The following ASTN2 variants were observed in gnomAD, a reference collection of about 807,000 sequenced individuals.
The protein encoded by ASTN2 is astrotactin-2.
In ASTN2, 54 loss-of-function variants were observed where a neutral mutation model predicts 139.8. The observed-to-expected ratio is 0.39, with a 90% CI of 0.31 to 0.48. The LOEUF (loss-of-function observed/expected upper bound fraction) is 0.48, where lower values mean the gene tolerates loss of function less well. Among genes scored for constraint, ASTN2 ranks in the 20% least tolerant of loss-of-function variants. ASTN2 has a pLI of 0.95. For missense variants in ASTN2, 1,565 were observed against 1,725.1 expected (o/e 0.91, Z 1.64); for synonymous variants, 756 against 719.5 (o/e 1.05, Z -0.81).
At chr9:116,620,478 G>C (rs1334864402) in intron 17 of ASTN2, 35 bp from the exon 18 acceptor site, 1 of 1,613,160 alleles carries the variant, frequency 6.2e-7, no homozygotes, top group South Asian at 1.1e-5. Context: ...AGACAATGAT[G>C]ACAACAGGGG....
chr9:116,549,437 A>G (rs535531064), intron 19 of ASTN2, among the ~76,000 whole-genome samples: 1 of 152,294 alleles, frequency 6.6e-6, no homozygotes, highest in East Asian at 1.9e-4. Flanking sequence ...CGTATTTGGC[A>G]ATTGCAACCC....
intron 10 of ASTN2, among the ~76,000 whole-genome samples, chr9:116,885,663 C>G (rs1833577110): frequency 6.6e-6 from 1 of 152,080 alleles, no homozygotes; most frequent in South Asian, 2.1e-4. Flanking sequence ...AAAACTCCAT[C>G]TCAAACAAAA....
At chr9:116,437,273 G>A (rs141623486) in intron 22 of ASTN2, 12,746 of 470,546 alleles carry the variant, frequency 0.027, 270 homozygotes, top group Middle Eastern at 0.058. Flanking sequence ...GCCAGAAAGC[G>A]GCAGAGCCCA....
At chr9:116,625,094 C>A (rs1433451369) in intron 17 of ASTN2, among the ~76,000 whole-genome samples, 2 of 152,086 alleles carry the variant, frequency 1.3e-5, no homozygotes, top group Non-Finnish European at 2.9e-5. Context: ...GTGCTTCTAG[C>A]CAAAAAGTGG....
At chr9:116,547,900 G>T (rs1047899303) in intron 19 of ASTN2, among the ~76,000 whole-genome samples, 1 of 152,038 alleles carries the variant, frequency 6.6e-6, no homozygotes, top group African/African-American at 2.4e-5. Flanking sequence ...CTCTGCGTGG[G>T]GTGCATTCTC....
intron 13 of ASTN2, among the ~76,000 whole-genome samples, chr9:116,800,092 T>C (rs1247903071): frequency 6.6e-6 from 1 of 152,200 alleles, no homozygotes; most frequent in Non-Finnish European, 1.5e-5. Flanking sequence ...AACTGTATTT[T>C]GATTTTTGTA....
intron 6 of ASTN2, among the ~76,000 whole-genome samples, chr9:117,030,269 A>G (rs1009967613): frequency 6.6e-6 from 1 of 152,148 alleles, no homozygotes; most frequent in Non-Finnish European, 1.5e-5. Flanking sequence ...CAAAGCTCCC[A>G]CCCAGCATTC....
intron 1 of ASTN2, among the ~76,000 whole-genome samples, chr9:117,326,757 C>A (rs1425154981): frequency 1.3e-5 from 2 of 151,292 alleles, no homozygotes; most frequent in African/African-American, 4.9e-5. Context: ...GTTCCAAGTG[C>A]CAAGAGAGAG....
chr9:116,930,299 AG>A (rs576935527), intron 10 of ASTN2, among the ~76,000 whole-genome samples: 2 of 152,210 alleles, frequency 1.3e-5, no homozygotes, highest in East Asian at 1.9e-4. Flanking sequence ...CCTATTGAGC[AG>A]TCAGAAGACT....
intron 12 of ASTN2, among the ~76,000 whole-genome samples, chr9:116,816,922 G>A (rs990057255): frequency 5.3e-5 from 2 of 37,552 alleles, no homozygotes; most frequent in African/African-American, 8.1e-5. Context: ...TAAATAAATA[G>A]ACGAGGGAAA....
intron 4 of ASTN2, among the ~76,000 whole-genome samples, chr9:117,140,674 A>G (rs548458316): frequency 1.3e-5 from 2 of 148,574 alleles, no homozygotes; most frequent in South Asian, 4.2e-4. Context: ...AGAAGAGAAG[A>G]GAAGGAGAAG....
chr9:117,160,337 G>A (rs1214390981), intron 3 of ASTN2, among the ~76,000 whole-genome samples: 2 of 152,010 alleles, frequency 1.3e-5, no homozygotes, highest in Non-Finnish European at 2.9e-5. Context: ...AGTATTATGT[G>A]ACCTGGAGCA....
intron 19 of ASTN2, among the ~76,000 whole-genome samples, chr9:116,610,512 G>A (rs553473180): frequency 1.3e-5 from 2 of 152,252 alleles, no homozygotes; most frequent in South Asian, 4.2e-4. Context: ...GCTAAGGCAG[G>A]AGAATCGCTT....
At chr9:116,899,770 A>G (rs1251587790) in intron 10 of ASTN2, among the ~76,000 whole-genome samples, 1 of 152,234 alleles carries the variant, frequency 6.6e-6, no homozygotes, top group East Asian at 1.9e-4. Flanking sequence ...ATGGCTCAGG[A>G]GTCATGCAGC....
chr9:117,099,107 CAAA>C (rs34900374), intron 4 of ASTN2, among the ~76,000 whole-genome samples: 14 of 116,846 alleles, frequency 1.2e-4, no homozygotes, highest in South Asian at 2.9e-4. Context: ...ACTCCGTCTC[CAAA>C]AAAAAAAAAA....
intron 13 of ASTN2, among the ~76,000 whole-genome samples, chr9:116,789,529 C>A (rs1229128812): frequency 6.6e-6 from 1 of 152,164 alleles, no homozygotes; most frequent in African/African-American, 2.4e-5. Context: ...ACATAAAACC[C>A]CAGCCACTGC....
At chr9:116,918,158 C>T (rs1020582297) in intron 10 of ASTN2, among the ~76,000 whole-genome samples, 2 of 152,186 alleles carry the variant, frequency 1.3e-5, no homozygotes, top group African/African-American at 4.8e-5. Flanking sequence ...CCAATTAAAC[C>T]TCTTTTTCTT....
intron 10 of ASTN2, among the ~76,000 whole-genome samples, chr9:116,966,172 AATGCAG>A (rs1836006246): frequency 6.6e-6 from 1 of 152,226 alleles, no homozygotes; most frequent in Non-Finnish European, 1.5e-5. Context: ...TTTAACTTCT[AATGCAG>A]ATATAACAAC....
chr9:117,088,537 T>C (rs1828624967), intron 5 of ASTN2, among the ~76,000 whole-genome samples: 1 of 152,138 alleles, frequency 6.6e-6, no homozygotes, highest in Non-Finnish European at 1.5e-5. Context: ...GGGAGGAGAA[T>C]CATAAAGAAA....
Sources: gnomAD v4.1 joint callset for allele counts (sites outside exome capture counted in the v4.1 genomes callset) on GRCh38, gnomAD v4.1.1 for gene constraint, MANE v1.5 for transcripts, NCBI Gene and HGNC (gene_info 2026-07-23, HGNC 2026-07-21) for gene names.